PSG1: variants seen among roughly 807,000 people sequenced by gnomAD.
PSG1 encodes pregnancy-specific beta-1-glycoprotein 1.
PSG1 carries 60 observed loss-of-function variants against 41.4 expected under a neutral mutation model. The ratio of observed to expected loss-of-function variants is 1.45; its 90% CI spans 1.18 to 1.80. The LOEUF is 1.80. Among genes scored for constraint, PSG1 ranks in the 40% most tolerant of loss-of-function variants. The pLI, the probability that PSG1 is intolerant of heterozygous loss-of-function variation, is 0.00. For missense variants in PSG1, 806 were observed against 516.9 expected, an observed-to-expected ratio of 1.56 and a Z score of -5.42; for synonymous variants, 256 against 192.9, an observed-to-expected ratio of 1.33 and a Z score of -2.71.
At chr19:42,868,061 A>C (rs981126600) in intron 5 of PSG1, 40 bp downstream of exon 5, 12 of 1,611,976 alleles carry the variant, frequency 7.4e-6, no homozygotes, top group Middle Eastern at 1.7e-4. Context: ...GATAGACTCC[A>C]CCTAAAACCC....
At chr19:42,876,026 G>T (rs1433329066) in intron 2 of PSG1, among the ~76,000 whole-genome samples, 1 of 151,174 alleles carries the variant, frequency 6.6e-6, no homozygotes, top group Non-Finnish European at 1.5e-5. Flanking sequence ...TGGCAGGAGT[G>T]GCAACTCCAG....
intron 2 of PSG1, among the ~76,000 whole-genome samples, chr19:42,873,192 A>T (rs1039014684): frequency 6.6e-6 from 1 of 151,694 alleles, no homozygotes; most frequent in Non-Finnish European, 1.5e-5. Flanking sequence ...CATACAGATA[A>T]AGTGCTCCTT....
intron 2 of PSG1, among the ~76,000 whole-genome samples, chr19:42,877,578 C>G (rs145216547): frequency 0.023 from 3,463 of 151,742 alleles, 122 homozygotes; most frequent in Non-Finnish European, 0.033. Context: ...GCCCCTCAGG[C>G]CAAGCCCTAC....
Position 42,871,951 on chromosome 19 carries a change from G to T in PSG1, c.525C>A (p.Asp175Glu), listed in dbSNP as rs113624203. ...CATTCATCCACCACAGGTAGCTTGC[G>T]TCTGGAGTCTCAGGGTCACAGGTTA... ...VSLTCDPETP[D>E]ASYLWWMNGQ... The change falls in exon 3 of 6, where the codon GAC becomes GAA. Residue 175 changes from aspartate to glutamate, a missense_variant. By Grantham distance (45) the Asp-to-Glu change is conservative. Transcript: ENST00000436291. The T allele has an allele frequency of 2.5e-6, 4 of 1,612,394 alleles. 1 individual carries two copies. The African/African-American group carries it at 5.4e-5, about 22-fold the overall frequency.
rs1232362328 is a variant in PSG1, at chr19:42,868,847, A to G, written c.897T>C (p.Ser299=). The G allele has an allele frequency of 1.2e-6, 2 of 1,611,276 alleles. No homozygotes were observed. Among genetic ancestry groups the G allele is most frequent in the Non-Finnish European group, 1.7e-6 (2 of 1,179,068 alleles). The change falls in exon 4 of 6, where the codon AGT becomes AGC. Residue 299 remains serine (S), a synonymous_variant. Coordinates refer to ENST00000436291, the MANE Select transcript of PSG1 (RefSeq NM_001184825.2). The part of the protein sequence containing the change: ...PIENRILILP[S]VTRNETGPYQ... ...AGGGTCCTGTTTCATTTCTCGTGACACTGGGTAGAATGAGGATCCTGTTTT... is the reference window on the plus strand; with the variant it reads ...AGGGTCCTGTTTCATTTCTCGTGACGCTGGGTAGAATGAGGATCCTGTTTT...
At position 42,879,587 on chromosome 19, in the gene PSG1, C is replaced by G; in HGVS notation, c.-6G>C. ...GGGGCTGAGAGGGTTCCCATGGTCT[C>G]TGCTGCTTGTGTGTTCTCCTCTGTG... On this transcript the variant is annotated 5_prime_UTR_variant, in exon 1 of 6. Transcript: ENST00000436291. The G allele has an allele frequency of 6.2e-7, 1 of 1,610,262 alleles. No individual in the cohort carries two copies. Among genetic ancestry groups the G allele is most frequent in the Non-Finnish European group, 8.5e-7 (1 of 1,178,042 alleles).
At chr19:42,868,382 G>A (rs764817328) in intron 4 of PSG1, 27 bp from the exon 5 acceptor site, 1 of 1,588,138 alleles carries the variant, frequency 6.3e-7, no homozygotes, top group East Asian at 2.2e-5. Flanking sequence ...AAAGCCACAG[G>A]TGATGTCATC....
chr19:42,868,618 G>A (rs1267530263), intron 4 of PSG1, 138 bp downstream of exon 4: 4 of 1,523,956 alleles, frequency 2.6e-6, no homozygotes, highest in African/African-American at 1.4e-5. Context: ...ATTTCCCAGG[G>A]CAGGGAGTCA....
intron 3 of PSG1, chr19:42,870,609 T>G (rs1971341861): frequency 6.6e-6 from 1 of 151,676 alleles, no homozygotes; most frequent in Non-Finnish European, 1.5e-5. Context: ...CATGTGAGAT[T>G]TAGGACAGTG....
chr19:42,869,345 A>G, intron 3 of PSG1: 3 of 498,610 alleles, frequency 6.0e-6, no homozygotes, highest in Non-Finnish European at 1.0e-5. Flanking sequence ...TAATCAGTTG[A>G]CTGGCTGGCT....
At chr19:42,868,539 GCCCCAAGTCT>G (rs1459579133) in intron 4 of PSG1, among the ~76,000 whole-genome samples, 184 bp from the exon 5 acceptor site, 1 of 151,268 alleles carries the variant, frequency 6.6e-6, no homozygotes, top group Admixed American at 6.6e-5. Context: ...CAAGCTGTGG[GCCCCAAGTCT>G]CCCATGATAA....
Position 42,878,118 on chromosome 19 carries a change from G to C in PSG1, c.225C>G (p.Leu75=). Residue 75 remains leucine (L), a synonymous_variant, in exon 2 of 6, where the codon CTC becomes CTG. Coordinates refer to ENST00000436291, the MANE Select transcript of PSG1 (RefSeq NM_001184825.2). ...YIWYKGQMRD[L]YHYITSYVVD... is the part of the protein sequence containing the mutation. ...CTACATATGATGTAATGTAATGGTA[G>C]AGGTCCCTCATTTGCCCTTTGTACC... 1 of 1,612,192 alleles carries C rather than the reference G, an allele frequency of 6.2e-7. No homozygotes were observed. Among genetic ancestry groups the C allele is most frequent in the Non-Finnish European group, 8.5e-7 (1 of 1,179,152 alleles).
chr19:42,868,451 C>G, intron 4 of PSG1, 96 bp from the exon 5 acceptor site: 1 of 1,483,614 alleles, frequency 6.7e-7, no homozygotes, highest in African/African-American at 1.4e-5. Flanking sequence ...TGAGCCAAGA[C>G]ACACCCTCAA....
intron 2 of PSG1, 56 bp from the exon 3 acceptor site, chr19:42,872,101 G>T: frequency 6.4e-7 from 1 of 1,568,234 alleles, no homozygotes; most frequent in Non-Finnish European, 8.6e-7. Flanking sequence ...TTCCTCCAAA[G>T]GCATTTTTCA....
intron 2 of PSG1, among the ~76,000 whole-genome samples, chr19:42,876,167 C>T (rs1170461533): frequency 6.6e-6 from 1 of 151,280 alleles, no homozygotes; most frequent in Non-Finnish European, 1.5e-5. Flanking sequence ...AGAAGCTGTG[C>T]AGGACAGGGC....
intron 5 of PSG1, 178 bp downstream of exon 5, chr19:42,867,923 T>A: frequency 6.5e-7 from 1 of 1,531,442 alleles, no homozygotes; most frequent in East Asian, 2.3e-5. Context: ...GATATCAGCC[T>A]GTTTGTTAAA....
At position 42,871,921 on chromosome 19, in the gene PSG1, C is replaced by G. The variant is rs751974836; in HGVS notation, c.555G>C (p.Gln185His). ...TCAAGCTGTGAGTCATAGGGAGGCT[C>G]TGACCATTCATCCACCACAGGTAGC... ...DASYLWWMNGQSLPMTHSLKL... is the reference protein window; with the variant it reads ...DASYLWWMNGHSLPMTHSLKL... Residue 185 changes from glutamine (Q) to histidine (H), a missense_variant, in exon 3 of 6, where the codon CAG becomes CAC. Coordinates refer to ENST00000436291, the MANE Select transcript of PSG1 (RefSeq NM_001184825.2). 22 of 1,612,358 alleles carry G rather than the reference C, an allele frequency of 1.4e-5. No individual in the cohort carries two copies. Among genetic ancestry groups the G allele is most frequent in the Non-Finnish European group, 1.8e-5 (21 of 1,179,230 alleles).
chr19:42,875,829 T>TG (rs995265011), intron 2 of PSG1, among the ~76,000 whole-genome samples: 2 of 148,618 alleles, frequency 1.3e-5, no homozygotes, highest in Non-Finnish European at 3.0e-5. Flanking sequence ...TATTTGTTTT[T>TG]TTTTTTTTTT....
chr19:42,879,493 C>A, intron 1 of PSG1, 25 bp downstream of exon 1: 1 of 1,607,154 alleles, frequency 6.2e-7, no homozygotes, highest in African/African-American at 1.3e-5. Context: ...TCCTCCTGTC[C>A]TCTCCCAGGA....
Sources: allele counts gnomAD v4.1 joint callset (sites outside exome capture counted in the v4.1 genomes callset), GRCh38; gene constraint gnomAD v4.1.1; transcripts MANE v1.5; gene names NCBI Gene and HGNC (gene_info 2026-07-23, HGNC 2026-07-21).